Variants in COL5A2 observed in about 807,000 individuals in gnomAD.
The protein encoded by COL5A2 is collagen alpha-2(V) chain.
A neutral mutation model predicts 208.2 loss-of-function variants in COL5A2; 23 were observed. That is an observed-to-expected ratio of 0.11 (90% CI 0.08 to 0.16). COL5A2 has a LOEUF of 0.16. Among genes scored for constraint, COL5A2 ranks in the 10% least tolerant of loss-of-function variants. The pLI, the probability that COL5A2 is intolerant of heterozygous loss-of-function variation, is 1.00. For synonymous variants in COL5A2, 625 were observed against 628.5 expected, an observed-to-expected ratio of 0.99 and a Z score of 0.08; for missense variants, 1,590 against 1,956.4, an observed-to-expected ratio of 0.81 and a Z score of 3.53.
At chr2:189,355,259 C>T in the COL5A2 span, among the ~76,000 whole-genome samples, 1 of 151,956 alleles carries the variant, frequency 6.6e-6, no homozygotes, top group Admixed American at 6.6e-5. Context: ...ATATTCTGTT[C>T]GTTTGGGATG....
chr2:189,085,343 G>A lies in COL5A2; in HGVS notation c.745-130C>T, dbSNP rs60860012. ...GAAACAAATGAAAATGATAAATATT[G>A]TTGAGACAGAGAAAATAGTTTTATT... On this transcript the variant is annotated intron_variant, in intron 10 of 53. Coordinates refer to ENST00000374866, the MANE Select transcript of COL5A2 (RefSeq NM_000393.5). The A allele has an allele frequency of 0.15, 129,723 of 884,772 alleles. 9,852 individuals are homozygous for A. The highest frequency in any genetic ancestry group is 0.24 in the Middle Eastern group (1,069 of 4,384). 54.8% of individuals were successfully genotyped at this position (884,772 alleles called of 1,614,324 possible). A position where few individuals can be genotyped will look rare whatever the true frequency, so the allele number is the denominator to read the frequency against.
intron 1 of COL5A2, among the ~76,000 whole-genome samples, chr2:189,149,048 G>A (rs1250653508): frequency 6.6e-6 from 1 of 152,186 alleles, no homozygotes; most frequent in Non-Finnish European, 1.5e-5. Flanking sequence ...GCTGAGGCAG[G>A]AGAATGACTT....
At chr2:189,250,058 T>G in the COL5A2 span, among the ~76,000 whole-genome samples, 1 of 152,222 alleles carries the variant, frequency 6.6e-6, no homozygotes, top group Non-Finnish European at 1.5e-5. Flanking sequence ...AGAATAGCAC[T>G]TTTCACTTCT....
chr2:189,227,711 A>G (rs181626530), upstream of COL5A2, among the ~76,000 whole-genome samples: 3 of 152,170 alleles, frequency 2.0e-5, no homozygotes, highest in African/African-American at 7.2e-5. Context: ...AAATACATAA[A>G]GCAAATATTG....
intron 1 of COL5A2, among the ~76,000 whole-genome samples, chr2:189,131,094 G>A (rs994056796): frequency 1.3e-5 from 2 of 152,112 alleles, no homozygotes; most frequent in African/African-American, 2.4e-5. Context: ...AGCGGGGACT[G>A]AGCTTAATTT....
intron 6 of COL5A2, among the ~76,000 whole-genome samples, chr2:189,096,877 TGGGAAA>T (rs1321204940): frequency 1.3e-4 from 20 of 152,276 alleles, no homozygotes; most frequent in African/African-American, 4.6e-4. Context: ...GAGTGCTACC[TGGGAAA>T]TAAACTTGTT....
the COL5A2 span, among the ~76,000 whole-genome samples, chr2:189,283,034 T>A: frequency 3.3e-5 from 5 of 152,150 alleles, no homozygotes; most frequent in African/African-American, 9.7e-5. Context: ...CTACTCAATT[T>A]AACAAATATA....
At chr2:189,077,629 C>T (rs1486066202) in intron 16 of COL5A2, among the ~76,000 whole-genome samples, 4 of 152,098 alleles carry the variant, frequency 2.6e-5, no homozygotes, top group Admixed American at 1.3e-4. Context: ...TGACTATATT[C>T]TATAATATTC....
chr2:189,279,518 T>C, the COL5A2 span, among the ~76,000 whole-genome samples: 3 of 142,922 alleles, frequency 2.1e-5, no homozygotes, highest in Non-Finnish European at 4.6e-5. Context: ...ACAGGGAAGA[T>C]AGCATTTTTG....
At chr2:189,165,301 A>G (rs2105808847) in intron 1 of COL5A2, among the ~76,000 whole-genome samples, 1 of 152,308 alleles carries the variant, frequency 6.6e-6, no homozygotes, top group South Asian at 2.1e-4. Flanking sequence ...AAAACATGAG[A>G]TAAGTAAAAA....
intron 3 of COL5A2, 112 bp from the exon 4 acceptor site, chr2:189,100,251 G>T: frequency 1.2e-6 from 1 of 804,480 alleles, no homozygotes; most frequent in South Asian, 1.6e-5. Context: ...TTCTATGTAA[G>T]AAATGCAAAA....
At chr2:189,304,379 A>G in the COL5A2 span, among the ~76,000 whole-genome samples, 4 of 152,232 alleles carry the variant, frequency 2.6e-5, no homozygotes, top group African/African-American at 7.2e-5. Context: ...TTGCATTGCT[A>G]TAAAGAAATA....
chr2:189,118,000 T>C (rs1687428885), intron 1 of COL5A2, among the ~76,000 whole-genome samples: 1 of 152,124 alleles, frequency 6.6e-6, no homozygotes, highest in South Asian at 2.1e-4. Flanking sequence ...TTTCATAATA[T>C]TCTTTTGTAT....
At chr2:189,164,253 TA>T (rs1343267371) in intron 1 of COL5A2, among the ~76,000 whole-genome samples, 1 of 152,136 alleles carries the variant, frequency 6.6e-6, no homozygotes, top group Non-Finnish European at 1.5e-5. Context: ...GCGAGATGAA[TA>T]AAGAAAAAGT....
the COL5A2 span, among the ~76,000 whole-genome samples, chr2:189,392,101 T>C: frequency 6.6e-6 from 1 of 152,202 alleles, no homozygotes; most frequent in Non-Finnish European, 1.5e-5. Context: ...AATATTGGCA[T>C]ATACAAATGC....
intron 35 of COL5A2, among the ~76,000 whole-genome samples, chr2:189,055,096 G>C (rs1358111847): frequency 6.6e-6 from 1 of 151,928 alleles, no homozygotes; most frequent in Non-Finnish European, 1.5e-5. Flanking sequence ...CCATAGCCAG[G>C]GTGGTCTTGA....
chr2:189,075,919 C>T (rs1686394354), intron 16 of COL5A2, among the ~76,000 whole-genome samples: 1 of 152,126 alleles, frequency 6.6e-6, no homozygotes, highest in South Asian at 2.1e-4. Context: ...GCTGATGGCT[C>T]ACTATTGATA....
At chr2:189,131,388 C>A (rs1361564268) in intron 1 of COL5A2, among the ~76,000 whole-genome samples, 1 of 152,026 alleles carries the variant, frequency 6.6e-6, no homozygotes, top group African/African-American at 2.4e-5. Flanking sequence ...TCTTAAACTG[C>A]TCAAGCCATT....
chr2:189,109,499 T>C (rs1182761373), intron 2 of COL5A2, among the ~76,000 whole-genome samples: 2 of 152,142 alleles, frequency 1.3e-5, no homozygotes, highest in Non-Finnish European at 2.9e-5. Context: ...TTGACAATGA[T>C]GAATTAGAAG....
Sources: allele counts gnomAD v4.1 joint callset (sites outside exome capture counted in the v4.1 genomes callset), GRCh38; gene constraint gnomAD v4.1.1; transcripts MANE v1.5; gene names NCBI Gene and HGNC (gene_info 2026-07-23, HGNC 2026-07-21).